Variants in PDE4B observed in about 807,000 individuals in gnomAD.
PDE4B encodes 3',5'-cyclic-AMP phosphodiesterase 4B.
A neutral mutation model predicts 82.2 loss-of-function variants in PDE4B; 20 were observed. That is an observed-to-expected ratio of 0.24 (90% CI 0.17 to 0.35). PDE4B has a LOEUF of 0.35. Ranked by LOEUF, PDE4B falls within the 10% of genes least tolerant of loss-of-function variation. The pLI, the probability that PDE4B is intolerant of heterozygous loss-of-function variation, is 1.00. For synonymous variants in PDE4B, 320 were observed against 318.9 expected (o/e 1.00, Z -0.04); for missense variants, 655 against 907.2 (o/e 0.72, Z 3.57).
At chr1:66,094,814 G>T (rs1645084878) in intron 3 of PDE4B, among the ~76,000 whole-genome samples, 1 of 151,918 alleles carries the variant, frequency 6.6e-6, no homozygotes, top group African/African-American at 2.4e-5. Flanking sequence ...AGCATATTTT[G>T]TCCTCATAAC....
At chr1:65,808,048 A>C (rs1645776695) in intron 1 of PDE4B, among the ~76,000 whole-genome samples, 1 of 152,176 alleles carries the variant, frequency 6.6e-6, no homozygotes, top group Non-Finnish European at 1.5e-5. Context: ...AGACTGTATA[A>C]TCCTCATCTA....
chr1:66,154,694 A>T (rs753703439), intron 3 of PDE4B, among the ~76,000 whole-genome samples: 1 of 152,218 alleles, frequency 6.6e-6, no homozygotes, highest in Non-Finnish European at 1.5e-5. Flanking sequence ...AAAAGCAAAA[A>T]TGCTTTCAAA....
intron 7 of PDE4B, among the ~76,000 whole-genome samples, chr1:66,291,391 A>G (rs1657068243): frequency 6.6e-6 from 1 of 152,156 alleles, no homozygotes; most frequent in Non-Finnish European, 1.5e-5. Flanking sequence ...ATCAGCCAAC[A>G]TCTCTGCTGG....
intron 3 of PDE4B, among the ~76,000 whole-genome samples, chr1:66,002,476 T>TG (rs2100712975): frequency 6.6e-6 from 1 of 152,200 alleles, no homozygotes; most frequent in East Asian, 1.9e-4. Flanking sequence ...GATAAATTAT[T>TG]GGTTTTCATT....
intron 3 of PDE4B, among the ~76,000 whole-genome samples, chr1:66,123,745 A>T (rs1261369779): frequency 1.3e-5 from 2 of 152,216 alleles, no homozygotes; most frequent in Non-Finnish European, 2.9e-5. Flanking sequence ...GAGTGCCTTT[A>T]GGCCAAGAGC....
intron 3 of PDE4B, among the ~76,000 whole-genome samples, chr1:66,091,401 G>C (rs1482986038): frequency 6.6e-6 from 1 of 152,008 alleles, no homozygotes; most frequent in African/African-American, 2.4e-5. Context: ...TCAGGTTACT[G>C]CTCACTGAGT....
In PDE4B at chr1:66,256,703, A is replaced by C. The variant is rs374261408; in HGVS notation, c.477-944A>C. Among the ~76,000 whole-genome samples the C allele has an allele frequency of 5.3e-4, 80 of 152,342 alleles. 2 individuals are homozygous for C. The South Asian group carries it at 0.016, about 30-fold the overall frequency. On this transcript the variant is annotated intron_variant, in intron 4 of 16. Transcript: ENST00000341517. ...CCTGGTACAGGGCACATGATTAATA[A>C]TTATTGGTTGCACTAATGTAGTTAA...
intron 3 of PDE4B, among the ~76,000 whole-genome samples, chr1:66,198,614 T>TTTATTA (rs1337051759): frequency 6.6e-6 from 1 of 152,116 alleles, no homozygotes; most frequent in African/African-American, 2.4e-5. Flanking sequence ...TTTATTTTAT[T>TTTATTA]TTATTATTAT....
At chr1:66,248,101 T>C (rs6661344) in intron 4 of PDE4B, among the ~76,000 whole-genome samples, 31,473 of 151,990 alleles carry the variant, frequency 0.21, 6,691 homozygotes, top group African/African-American at 0.53. Flanking sequence ...TAATAAGATG[T>C]CATTCAGACA....
chr1:66,227,162 A>G (rs1321657169), intron 3 of PDE4B, among the ~76,000 whole-genome samples: 1 of 152,248 alleles, frequency 6.6e-6, no homozygotes. Context: ...GTGGCGTCTA[A>G]GATGCATACG....
At chr1:66,257,460 A>G (rs1441804874) in intron 4 of PDE4B, 187 bp from the exon 5 acceptor site, 1 of 770,804 alleles carries the variant, frequency 1.3e-6, no homozygotes, top group Admixed American at 1.7e-5. Context: ...ATCTAGTACT[A>G]ATTTTTTCCT....
At chr1:66,310,261 C>T (rs1207435544) in intron 7 of PDE4B, among the ~76,000 whole-genome samples, 1 of 152,138 alleles carries the variant, frequency 6.6e-6, no homozygotes, top group African/African-American at 2.4e-5. Flanking sequence ...AACTAGGGCT[C>T]ATAGAGGCTA....
rs5774802 is a variant in PDE4B, at chr1:66,136,697, C to CAAA, written c.282-110741_282-110739dup. 4.9e-3 allele frequency among the ~76,000 whole-genome samples: 301 copies of CAAA among 61,316 alleles called. 1 individual carries two copies. Among genetic ancestry groups the CAAA allele is most frequent in the African/African-American group, 6.1e-3 (85 of 14,032 alleles). 40.2% of individuals were successfully genotyped at this position (61,316 alleles called of 152,430 possible). A position where few individuals can be genotyped will look rare whatever the true frequency, so the allele number is the denominator to read the frequency against. ...TGAACGACAGAGCAAGACTCCCTCT[C>CAAA]AAAAAAAAAAAAAAAAAAAAAAAAG... On this transcript the variant is annotated intron_variant, in intron 3 of 16. Transcript: ENST00000341517.
chr1:66,147,910 A>G (rs1646307923), intron 3 of PDE4B, among the ~76,000 whole-genome samples: 1 of 152,208 alleles, frequency 6.6e-6, no homozygotes, highest in Non-Finnish European at 1.5e-5. Context: ...GCAAAAAGAC[A>G]ATAGAAATGA....
At chr1:65,875,755 A>G (rs1646632846) in intron 1 of PDE4B, among the ~76,000 whole-genome samples, 1 of 135,430 alleles carries the variant, frequency 7.4e-6, no homozygotes, top group African/African-American at 2.8e-5. Flanking sequence ...GAACAATGAG[A>G]TCACATGGAC....
intron 3 of PDE4B, among the ~76,000 whole-genome samples, chr1:65,971,830 G>T (rs1650156754): frequency 6.6e-6 from 1 of 152,078 alleles, no homozygotes; most frequent in Non-Finnish European, 1.5e-5. Flanking sequence ...TAGGTATTTT[G>T]CTATATTCCT....
chr1:65,932,646 G>A (rs1294588395), intron 3 of PDE4B, among the ~76,000 whole-genome samples: 2 of 152,026 alleles, frequency 1.3e-5, no homozygotes, highest in African/African-American at 4.8e-5. Flanking sequence ...AGAAATATTT[G>A]ATTTACCTAA....
In PDE4B at chr1:66,170,822, A is replaced by G. The variant is rs538980349; in HGVS notation, c.282-76638A>G. On this transcript the variant is annotated intron_variant, in intron 3 of 16. Coordinates refer to ENST00000341517, the MANE Select transcript of PDE4B (RefSeq NM_002600.4). ...GTATCACAAACTAGAACCAAGCAAT[A>G]ATTTGTGTAGTTTTTAAACTGATTT... Among the ~76,000 whole-genome samples the G allele has an allele frequency of 7.9e-5, 12 of 152,308 alleles. No individual in the cohort carries two copies. The East Asian group carries it at 2.3e-3, about 29-fold the overall frequency.
rs75398902 is a variant in PDE4B, at chr1:66,247,513, C to G, written c.335C>G (p.Ala112Gly). 0.018 allele frequency: 29,117 copies of G among 1,609,388 alleles called. 342 individuals are homozygous for G. Among genetic ancestry groups the G allele is most frequent in the Middle Eastern group, 0.069 (417 of 6,040 alleles). Residue 112 changes from alanine (A) to glycine (G), a missense_variant, in exon 4 of 17, where the codon GCC (alanine) becomes GGC (glycine). Ala to Gly is a moderately conservative substitution (Grantham distance 60, BLOSUM62 0). This residue lies in a region of PDE4B where 253 missense variants were observed against 275.6 expected (regional missense o/e 0.92). Coordinates refer to ENST00000341517, the MANE Select transcript of PDE4B (RefSeq NM_002600.4). ...GGTCGGAGTCCACTGGATCCCCAGG[C>G]CAGCTCTTCCGCTGGGCTGGTACTT... ...SPGRSPLDPQASSSAGLVLHA... is the reference protein window; with the variant it reads ...SPGRSPLDPQGSSSAGLVLHA...
Sources: gnomAD v4.1 joint callset for allele counts (sites outside exome capture counted in the v4.1 genomes callset) on GRCh38, gnomAD v4.1.1 for gene constraint, gnomAD v4.1.1 regional missense constraint, MANE v1.5 for transcripts, NCBI Gene and HGNC (gene_info 2026-07-23, HGNC 2026-07-21) for gene names.